The following SENP2 variants were observed in gnomAD, a reference collection of about 807,000 sequenced individuals.
The protein encoded by SENP2 is SUMO specific peptidase 2, also known as sentrin-specific protease 2.
SENP2 carries 16 observed loss-of-function variants against 86.3 expected under a neutral mutation model. That is an observed-to-expected ratio of 0.19 (90% confidence interval 0.13 to 0.28). The LOEUF (loss-of-function observed/expected upper bound fraction) is 0.28. Among genes scored for constraint, SENP2 ranks in the 10% least tolerant of loss-of-function variants. SENP2 has a pLI of 1.00. For synonymous variants in SENP2, 222 were observed against 238.7 expected, an observed-to-expected ratio of 0.93 and a Z score of 0.64; for missense variants, 552 against 703.0, an observed-to-expected ratio of 0.79 and a Z score of 2.43.
Position 185,586,581 on chromosome 3 carries a change from G to A in SENP2, c.101+67G>A, listed in dbSNP as rs1577711694. On this transcript the variant is annotated intron_variant, in intron 1 of 16. Transcript: ENST00000296257. The surrounding 1 kb of genome is among the most constrained non-coding windows in gnomAD (Gnocchi z 4.3). ...CTCCCCCACAGCGGGCTCCTCGGCC[G>A]TGATAGCTTTGATTCAGCCAGGCTC... 6.8e-7 allele frequency: 1 copy of A among 1,463,360 alleles called. No homozygotes were observed. The highest frequency in any genetic ancestry group is 9.5e-7 in the Non-Finnish European group (1 of 1,056,194). The allele number at this position is 1,463,360 out of a possible 1,614,324, so 90.6% of individuals were successfully genotyped here. A position where few individuals can be genotyped will look rare whatever the true frequency, so the allele number is the denominator to read the frequency against.
At chr3:185,621,184 GAGAA>G (rs1311114380) in intron 13 of SENP2, among the ~76,000 whole-genome samples, 3 of 94,476 alleles carry the variant, frequency 3.2e-5, no homozygotes, top group Non-Finnish European at 2.2e-5. Context: ...AAAAGAGAGA[GAGAA>G]AGAAAGAAAA....
intron 4 of SENP2, among the ~76,000 whole-genome samples, chr3:185,599,756 C>T (rs1377511676): frequency 1.3e-5 from 2 of 151,818 alleles, no homozygotes; most frequent in African/African-American, 4.8e-5. Context: ...AGAATAAATA[C>T]ATACCCCTGT....
chr3:185,613,390 C>G lies in SENP2; in HGVS notation c.915C>G (p.Ile305Met). Residue 305 changes from isoleucine (I) to methionine (M), a missense_variant, in exon 10 of 17, where the codon ATC becomes ATG. By Grantham distance (10) the Ile-to-Met change is conservative. Coordinates refer to ENST00000296257, the MANE Select transcript of SENP2 (RefSeq NM_021627.3). ...KITDTETMVG[I>M]RFENESRRGY... Reference sequence around the variant, plus strand: ...CTGATACAGAGACGATGGTCGGAATCAGATTTGAAAATGAAAGTGTAAGTA... The same window carrying G: ...CTGATACAGAGACGATGGTCGGAATGAGATTTGAAAATGAAAGTGTAAGTA... 1.3e-6 allele frequency: 2 copies of G among 1,592,308 alleles called. No homozygotes were observed. Among genetic ancestry groups the G allele is most frequent in the Non-Finnish European group, 1.7e-6 (2 of 1,162,442 alleles).
chr3:185,599,608 A>G (rs1722279522), intron 4 of SENP2, among the ~76,000 whole-genome samples: 1 of 152,176 alleles, frequency 6.6e-6, no homozygotes, highest in African/African-American at 2.4e-5. Flanking sequence ...GGGGGAAGGA[A>G]GTTAAGGAAA....
rs939891665 is a variant in SENP2, at chr3:185,624,397, C to A, written c.1611+315C>A. ...AAAATGGGTGCTTAGCTTTCATCTT[C>A]TTGTCTAAATGTAAATATTAACATA... On this transcript the variant is annotated intron_variant, in intron 15 of 16. Coordinates refer to ENST00000296257, the MANE Select transcript of SENP2 (RefSeq NM_021627.3). Among the ~76,000 whole-genome samples the A allele has an allele frequency of 4.6e-5, 7 of 152,084 alleles. No homozygotes were observed. The East Asian group carries it at 7.7e-4, about 17-fold the overall frequency.
In SENP2 at chr3:185,598,485, C is replaced by T. The variant is rs147793902; in HGVS notation, c.231C>T (p.Thr77=). The T allele has an allele frequency of 1.7e-4, 280 of 1,614,088 alleles. 1 individual carries two copies. The African/African-American group carries it at 3.4e-3, about 20-fold the overall frequency. The change falls in exon 3 of 17, where the codon ACC becomes ACT. Residue 77 remains threonine, a synonymous_variant. Coordinates refer to ENST00000296257, the MANE Select transcript of SENP2 (RefSeq NM_021627.3). ...TATTTGGATTCCCATTCCAGCTGACCACAAAGCCCATGGTAACTTCTGCTT... is the reference window on the plus strand; with the variant it reads ...TATTTGGATTCCCATTCCAGCTGACTACAAAGCCCATGGTAACTTCTGCTT... The part of the protein sequence containing the change: ...ASLFGFPFQL[T]TKPMVTSACN...
intron 12 of SENP2, among the ~76,000 whole-genome samples, chr3:185,618,836 G>A (rs545398521): frequency 2.0e-5 from 3 of 152,228 alleles, no homozygotes; most frequent in African/African-American, 7.2e-5. Flanking sequence ...CCGAGATCAC[G>A]CCAGTGGACT....
At chr3:185,591,500 C>T (rs968743811) in intron 2 of SENP2, among the ~76,000 whole-genome samples, 18 of 151,112 alleles carry the variant, frequency 1.2e-4, no homozygotes, top group Non-Finnish European at 1.9e-4. Flanking sequence ...TACAGGCGCC[C>T]GCCATCATGC....
intron 16 of SENP2, among the ~76,000 whole-genome samples, chr3:185,628,548 C>T (rs559577842): frequency 1.3e-5 from 2 of 152,218 alleles, no homozygotes; most frequent in South Asian, 2.1e-4. Flanking sequence ...TTCTTGTTGC[C>T]CAGGCTGGAG....
At chr3:185,626,183 G>A in intron 15 of SENP2, 115 bp from the exon 16 acceptor site, 1 of 657,184 alleles carries the variant, frequency 1.5e-6, no homozygotes, top group Non-Finnish European at 2.6e-6. Context: ...GGTAATACCT[G>A]ATTTAATATT....
At chr3:185,621,794 A>G (rs1441643229) in intron 13 of SENP2, 32 bp from the exon 14 acceptor site, 2 of 1,279,784 alleles carry the variant, frequency 1.6e-6, no homozygotes, top group Admixed American at 1.9e-5. Flanking sequence ...TACATTTAAG[A>G]TGTTTCTGGA....
At chr3:185,614,048 G>A (rs1166970190) in intron 10 of SENP2, among the ~76,000 whole-genome samples, 2 of 152,050 alleles carry the variant, frequency 1.3e-5, no homozygotes, top group Non-Finnish European at 2.9e-5. Context: ...TGGGTTGCTG[G>A]CAGAATTCTA....
At position 185,586,347 on chromosome 3, in the gene SENP2, G is replaced by A; in HGVS notation, c.-67G>A. On this transcript the variant is annotated 5_prime_UTR_variant, in exon 1 of 17. Transcript: ENST00000296257. This position sits in a 1 kb window ranked among gnomAD's most constrained non-coding sequence, Gnocchi z 4.3. ...GGTGGTTAAGACGGCGAAGGCGGCA[G>A]CGGCGGCGACAGCTCTGGGGTTTGC... The A allele has an allele frequency of 6.3e-7, 1 of 1,594,824 alleles. No homozygotes were observed. Among genetic ancestry groups the A allele is most frequent in the Non-Finnish European group, 8.5e-7 (1 of 1,170,898 alleles).
intron 4 of SENP2, 34 bp downstream of exon 4, chr3:185,599,058 A>G (rs1001027056): frequency 6.6e-7 from 1 of 1,512,258 alleles, no homozygotes; most frequent in African/African-American, 1.4e-5. Context: ...GTTTCCCGCT[A>G]CCTCCTTCTG....
At chr3:185,607,143 C>G (rs907124614) in intron 6 of SENP2, among the ~76,000 whole-genome samples, 3 of 151,540 alleles carry the variant, frequency 2.0e-5, no homozygotes, top group Non-Finnish European at 4.4e-5. Context: ...TTCTCAGACT[C>G]CCTTCCATAC....
intron 4 of SENP2, among the ~76,000 whole-genome samples, chr3:185,599,725 A>C (rs906933783): frequency 3.9e-5 from 6 of 152,200 alleles, no homozygotes; most frequent in Non-Finnish European, 8.8e-5. Context: ...AAGTACCTCT[A>C]GGAGTAGAGA....
Position 185,623,298 on chromosome 3 carries a change from G to A in SENP2, c.1527-700G>A, listed in dbSNP as rs568645791. On this transcript the variant is annotated intron_variant, in intron 14 of 16. Coordinates refer to ENST00000296257, the MANE Select transcript of SENP2 (RefSeq NM_021627.3). ...TGGTATTAAAGGCTTGTGCCACCAC[G>A]CCCGGCTAATTTTGTATTTTTAGTA... Among the ~76,000 whole-genome samples, 30 of 151,580 alleles carry A rather than the reference G, an allele frequency of 2.0e-4. 1 individual carries two copies. The highest frequency in any genetic ancestry group is 1.8e-3 in the Admixed American group (28 of 15,214).
chr3:185,592,033 T>TTTTTTTTTTTC (rs1722024020), intron 2 of SENP2, among the ~76,000 whole-genome samples: 1 of 114,276 alleles, frequency 8.8e-6, no homozygotes, highest in Non-Finnish European at 1.8e-5. Flanking sequence ...TTTTTTTTTT[T>TTTTTTTTTTTC]TGAGACAGGA....
chr3:185,621,730 C>A (rs1711898234), intron 13 of SENP2, 96 bp from the exon 14 acceptor site: 1 of 690,970 alleles, frequency 1.4e-6, no homozygotes, highest in Admixed American at 2.7e-5. Flanking sequence ...TATATTGGTA[C>A]ATGTATTTTT....
Sources: allele counts gnomAD v4.1 joint callset (sites outside exome capture counted in the v4.1 genomes callset), GRCh38; gene constraint gnomAD v4.1.1; non-coding constraint Gnocchi (gnomAD v3.1); transcripts MANE v1.5; gene names NCBI Gene and HGNC (gene_info 2026-07-23, HGNC 2026-07-21).